Variants in CNTNAP2 observed in about 807,000 individuals in gnomAD.
CNTNAP2 encodes the protein contactin associated protein 2.
A neutral mutation model predicts 155.2 loss-of-function variants in CNTNAP2; 98 were observed. The ratio of observed to expected loss-of-function variants is 0.63; its 90% CI spans 0.54 to 0.75. The LOEUF is 0.75. Ranked by LOEUF, CNTNAP2 falls within the 30% of genes least tolerant of loss-of-function variation. The pLI, the probability that CNTNAP2 is intolerant of heterozygous loss-of-function variation, is 0.00. For missense variants in CNTNAP2, 1,727 were observed against 1,688.1 expected, an observed-to-expected ratio of 1.02 and a Z score of -0.40; for synonymous variants, 651 against 631.2, an observed-to-expected ratio of 1.03 and a Z score of -0.47.
At chr7:147,661,555 CT>C (rs71937773) in intron 13 of CNTNAP2, among the ~76,000 whole-genome samples, 41,680 of 139,338 alleles carry the variant, frequency 0.3, 6,973 homozygotes, top group African/African-American at 0.49. Context: ...TCTTCTTCTT[CT>C]TTTTTTTTTT....
chr7:147,077,008 C>T lies in CNTNAP2; in HGVS notation c.551-31139C>T, dbSNP rs530047822. ...GAGTTTCTTTAAAACACAACTGCTT[C>T]GTTTCCTCCCACAGATACTATGGTA... On this transcript the variant is annotated intron_variant, in intron 4 of 23. Coordinates refer to ENST00000361727, the MANE Select transcript of CNTNAP2 (RefSeq NM_014141.6). 1.1e-3 allele frequency among the ~76,000 whole-genome samples: 175 copies of T among 152,190 alleles called. 1 individual carries two copies. The highest frequency in any genetic ancestry group is 4.0e-3 in the African/African-American group (165 of 41,546).
intron 13 of CNTNAP2, among the ~76,000 whole-genome samples, chr7:147,678,799 C>T (rs887850610): frequency 2.0e-5 from 3 of 151,886 alleles, no homozygotes; most frequent in Non-Finnish European, 4.4e-5. Context: ...CATATATTTA[C>T]TACTTATAGG....
intron 15 of CNTNAP2, among the ~76,000 whole-genome samples, chr7:148,041,435 A>G (rs377750249): frequency 4.6e-4 from 70 of 152,350 alleles, no homozygotes; most frequent in African/African-American, 1.6e-3. Context: ...CAGGCCACAA[A>G]CATGGAGCCC....
At chr7:148,328,844 C>G in intron 21 of CNTNAP2, among the ~76,000 whole-genome samples, 1 of 151,804 alleles carries the variant, frequency 6.6e-6, no homozygotes, top group Non-Finnish European at 1.5e-5. Context: ...GGCATGGTGG[C>G]GCACACCTGT....
intron 9 of CNTNAP2, among the ~76,000 whole-genome samples, chr7:147,336,263 ATTG>A (rs1424362838): frequency 1.3e-5 from 2 of 152,078 alleles, no homozygotes; most frequent in African/African-American, 4.8e-5. Context: ...TGTTGTTGCC[ATTG>A]TTGTTTTTAG....
chr7:147,762,490 A>G (rs1413169726), intron 13 of CNTNAP2, among the ~76,000 whole-genome samples: 1 of 151,944 alleles, frequency 6.6e-6, no homozygotes, highest in African/African-American at 2.4e-5. Flanking sequence ...ATGCACTCAT[A>G]TCTAGCTACT....
intron 3 of CNTNAP2, among the ~76,000 whole-genome samples, chr7:146,969,197 C>A (rs1162121397): frequency 6.6e-6 from 1 of 152,064 alleles, no homozygotes; most frequent in Non-Finnish European, 1.5e-5. Flanking sequence ...AATGTCTGAT[C>A]TTTTACATTT....
intron 10 of CNTNAP2, among the ~76,000 whole-genome samples, chr7:147,416,402 A>G (rs746775917): frequency 6.6e-6 from 1 of 152,176 alleles, no homozygotes; most frequent in Non-Finnish European, 1.5e-5. Flanking sequence ...CCAACTCCAC[A>G]TTGAGCCAAT....
chr7:147,202,408 A>C (rs1300568735), intron 8 of CNTNAP2, among the ~76,000 whole-genome samples: 1 of 152,170 alleles, frequency 6.6e-6, no homozygotes, highest in African/African-American at 2.4e-5. Context: ...TACAAATCTG[A>C]AAATGTGTGA....
intron 13 of CNTNAP2, among the ~76,000 whole-genome samples, chr7:147,708,964 G>C (rs562840541): frequency 1.3e-5 from 2 of 152,092 alleles, no homozygotes; most frequent in Non-Finnish European, 2.9e-5. Flanking sequence ...AATTAGATAA[G>C]GCCCAAGCTA....
chr7:148,154,359 G>A (rs1368695091), intron 17 of CNTNAP2, among the ~76,000 whole-genome samples: 2 of 152,166 alleles, frequency 1.3e-5, no homozygotes, highest in African/African-American at 2.4e-5. Flanking sequence ...TTAAATGGAC[G>A]TATAAGCAAC....
intron 9 of CNTNAP2, among the ~76,000 whole-genome samples, chr7:147,340,126 C>T (rs1027147308): frequency 4.6e-5 from 7 of 150,728 alleles, no homozygotes; most frequent in African/African-American, 1.7e-4. Flanking sequence ...AAGATACTAT[C>T]CAGTAGTAAC....
chr7:147,237,732 C>A (rs1584811238), intron 8 of CNTNAP2, among the ~76,000 whole-genome samples: 1 of 152,260 alleles, frequency 6.6e-6, no homozygotes, highest in African/African-American at 2.4e-5. Context: ...GGCATTTGTA[C>A]AAGTACACAG....
rs575886174 is a variant in CNTNAP2, at chr7:148,017,844, C to T, written c.2383+39855C>T. 7.2e-5 allele frequency among the ~76,000 whole-genome samples: 11 copies of T among 152,306 alleles called. No individual in the cohort carries two copies. The East Asian group carries it at 1.5e-3, about 21-fold the overall frequency. On this transcript the variant is annotated intron_variant, in intron 15 of 23. Coordinates refer to ENST00000361727, the MANE Select transcript of CNTNAP2 (RefSeq NM_014141.6). ...GAATATACATGGTATTTGAGAAAAACGTTGCTTCAGAACAGGTGAAAGAAT... is the reference window on the plus strand; with the variant it reads ...GAATATACATGGTATTTGAGAAAAATGTTGCTTCAGAACAGGTGAAAGAAT...
chr7:146,127,349 C>G (rs1797652139), intron 1 of CNTNAP2, among the ~76,000 whole-genome samples: 1 of 152,158 alleles, frequency 6.6e-6, no homozygotes, highest in Non-Finnish European at 1.5e-5. Flanking sequence ...CAGGCAAATT[C>G]TTTGGTTTCT....
chr7:147,157,087 A>G (rs1032439625), intron 8 of CNTNAP2, among the ~76,000 whole-genome samples: 3 of 152,054 alleles, frequency 2.0e-5, no homozygotes, highest in Non-Finnish European at 4.4e-5. Flanking sequence ...AGAAAACAGA[A>G]TATTTTCAAG....
At chr7:147,001,319 G>A (rs1050261200) in intron 3 of CNTNAP2, among the ~76,000 whole-genome samples, 3 of 151,866 alleles carry the variant, frequency 2.0e-5, no homozygotes. Flanking sequence ...GTCTTGCTCG[G>A]CCCTCCTCAG....
In CNTNAP2 at chr7:146,521,454, T is replaced by C. The variant is rs1212663162; in HGVS notation, c.98-252817T>C. 1.3e-5 allele frequency among the ~76,000 whole-genome samples: 2 copies of C among 151,734 alleles called. 1 individual carries two copies. Among genetic ancestry groups the C allele is most frequent in the Non-Finnish European group, 2.9e-5 (2 of 67,872 alleles). On this transcript the variant is annotated intron_variant, in intron 1 of 23. Coordinates refer to ENST00000361727, the MANE Select transcript of CNTNAP2 (RefSeq NM_014141.6). ...TTCCAAAATCAACTGAATAATTTACTTTTTTTTCCCTTAAATTACTCTACA... is the reference window on the plus strand; with the variant it reads ...TTCCAAAATCAACTGAATAATTTACCTTTTTTTCCCTTAAATTACTCTACA...
intron 1 of CNTNAP2, among the ~76,000 whole-genome samples, chr7:146,606,744 T>C (rs1156522596): frequency 1.3e-5 from 2 of 152,160 alleles, no homozygotes; most frequent in African/African-American, 4.8e-5. Context: ...TACTTGAAAT[T>C]ATCATTTAAA....
Sources: allele counts gnomAD v4.1 joint callset (sites outside exome capture counted in the v4.1 genomes callset), GRCh38; gene constraint gnomAD v4.1.1; transcripts MANE v1.5; gene names NCBI Gene and HGNC (gene_info 2026-07-23, HGNC 2026-07-21).